The following CCDC158 variants were observed in gnomAD, a reference collection of about 807,000 sequenced individuals.
The protein encoded by CCDC158 is coiled-coil domain containing 158, also known as coiled-coil domain-containing protein 158.
In CCDC158, 116 loss-of-function variants were observed where a neutral mutation model predicts 138.6. That is an observed-to-expected ratio of 0.84 (90% CI 0.72 to 0.98). CCDC158 has a LOEUF of 0.98. Among genes scored for constraint, CCDC158 ranks in the 50% least tolerant of loss-of-function variants. The pLI, the probability that CCDC158 is intolerant of heterozygous loss-of-function variation, is 0.00. For missense variants in CCDC158, 1,265 were observed against 1,306.1 expected (o/e 0.97, Z 0.48); for synonymous variants, 436 against 442.4 (o/e 0.99, Z 0.18).
chr4:76,366,108 A>G (rs1203079321), intron 12 of CCDC158, among the ~76,000 whole-genome samples: 1 of 152,156 alleles, frequency 6.6e-6, no homozygotes, highest in Non-Finnish European at 1.5e-5. Flanking sequence ...TCCACTAGTG[A>G]TCTTCCTAAG....
At chr4:76,358,910 A>G (rs1723843626) in intron 13 of CCDC158, among the ~76,000 whole-genome samples, 1 of 152,196 alleles carries the variant, frequency 6.6e-6, no homozygotes, top group Non-Finnish European at 1.5e-5. Flanking sequence ...ACTTCATACC[A>G]TACTAATATG....
chr4:76,345,495 A>C, intron 18 of CCDC158: 1 of 931,746 alleles, frequency 1.1e-6, no homozygotes, highest in Admixed American at 1.7e-5. Context: ...AGCATTTAGA[A>C]AGATTCTCAT....
In CCDC158 at chr4:76,396,221, C is replaced by T. The variant is rs746709622; in HGVS notation, c.288+48G>A. On this transcript the variant is annotated intron_variant, in intron 4 of 24. Coordinates refer to ENST00000682701, the MANE Select transcript of CCDC158 (RefSeq NM_001394954.1). The stretch of plus-strand genomic sequence containing the variant: ...CTTTACAACTACATACTGGATCTCA[C>T]TGTTGTCCCCCAAATAGCATCAGGT... 6.6e-6 allele frequency: 9 copies of T among 1,361,728 alleles called. No homozygotes were observed. In the African/African-American group the frequency reaches 7.3e-5, roughly 11 times the overall value. The allele number at this position is 1,361,728 out of a possible 1,614,324, so 84.4% of individuals were successfully genotyped here.
chr4:76,323,370 C>A lies in CCDC158; in HGVS notation c.3209G>T (p.Cys1070Phe), dbSNP rs1350467718. The A allele has an allele frequency of 2.4e-5, 38 of 1,612,116 alleles. No individual in the cohort carries two copies. Among genetic ancestry groups the A allele is most frequent in the Non-Finnish European group, 3.0e-5 (35 of 1,179,092 alleles). The change falls in exon 24 of 25, where the codon TGC becomes TTC. Residue 1070 changes from cysteine to phenylalanine, a missense_variant. Physicochemically the swap from Cys to Phe is radical, Grantham distance 205. Coordinates refer to ENST00000682701, the MANE Select transcript of CCDC158 (RefSeq NM_001394954.1). ...SPPIETTGKT[C>F]RKLQNRLESL... ...TTCTAGTCTGTTCTGAAGCTTCCTG[C>A]ATGTTTTTCCTGTTGTTTCTATTGG...
intron 18 of CCDC158, among the ~76,000 whole-genome samples, chr4:76,341,264 C>T (rs1002548434): frequency 3.2e-4 from 49 of 152,134 alleles, no homozygotes; most frequent in Non-Finnish European, 5.4e-4. Context: ...ACTCCTCAAC[C>T]AGTTCTGTCT....
At chr4:76,413,442 T>C (rs28651524) in intron 1 of CCDC158, among the ~76,000 whole-genome samples, 3,814 of 139,272 alleles carry the variant, frequency 0.027, 165 homozygotes, top group African/African-American at 0.098. Flanking sequence ...ACCACTGCAC[T>C]CCAGCTTGGG....
chr4:76,354,581 T>C (rs889058936), intron 15 of CCDC158, among the ~76,000 whole-genome samples: 1 of 152,208 alleles, frequency 6.6e-6, no homozygotes, highest in Non-Finnish European at 1.5e-5. Context: ...AACTTCATGG[T>C]TGCTTATTCG....
Position 76,323,553 on chromosome 4 carries a change from A to G in CCDC158, c.3170-144T>C, listed in dbSNP as rs561179500. On this transcript the variant is annotated intron_variant, in intron 23 of 24. Coordinates refer to ENST00000682701, the MANE Select transcript of CCDC158 (RefSeq NM_001394954.1). ...AAATTCTAAAAGAGCTATAACACTTAAAGGAAACTCTAAAACATGATTTTA... is the reference window on the plus strand; with the variant it reads ...AAATTCTAAAAGAGCTATAACACTTGAAGGAAACTCTAAAACATGATTTTA... 5.2e-6 allele frequency: 3 copies of G among 575,448 alleles called. No individual in the cohort carries two copies. In the Admixed American group the frequency reaches 1.0e-4, roughly 20 times the overall value. 35.6% of individuals were successfully genotyped at this position (575,448 alleles called of 1,614,324 possible).
At position 76,334,040 on chromosome 4, in the gene CCDC158, CT is replaced by C; in HGVS notation, c.2791del (p.Arg931GlufsTer11). ...VSLSKTEEDG[R>X]TSLGALYVAV... ...CACATACAAGGCTCCCAGAGATGTT[CT>C]TCCATCTTCCTCTGTCTTGCTCAGA... On this transcript the variant is annotated frameshift_variant, in exon 19 of 25. Coordinates refer to ENST00000682701, the MANE Select transcript of CCDC158 (RefSeq NM_001394954.1). LOFTEE classifies it high-confidence loss of function. 2 of 1,613,144 alleles carry C rather than the reference CT, an allele frequency of 1.2e-6. No homozygotes were observed. Among genetic ancestry groups the C allele is most frequent in the Non-Finnish European group, 1.7e-6 (2 of 1,179,378 alleles).
intron 12 of CCDC158, among the ~76,000 whole-genome samples, chr4:76,365,509 T>C (rs990574877): frequency 3.0e-4 from 46 of 152,194 alleles, no homozygotes; most frequent in African/African-American, 1.1e-3. Flanking sequence ...TTCTTCATGT[T>C]ACCCCCTCCT....
chr4:76,325,279 T>G (rs1382717387), intron 23 of CCDC158, among the ~76,000 whole-genome samples: 1 of 152,222 alleles, frequency 6.6e-6, no homozygotes, highest in African/African-American at 2.4e-5. Context: ...CAAAAGGGAA[T>G]GATGTCATAG....
chr4:76,390,039 T>G (rs936240150), intron 4 of CCDC158, among the ~76,000 whole-genome samples: 1 of 152,128 alleles, frequency 6.6e-6, no homozygotes, highest in African/African-American at 2.4e-5. Flanking sequence ...CAAAACTCAT[T>G]GGTAATAGTA....
At chr4:76,420,371 T>C (rs1310009052) in intron 1 of CCDC158, among the ~76,000 whole-genome samples, 3 of 152,122 alleles carry the variant, frequency 2.0e-5, no homozygotes, top group East Asian at 1.9e-4. Flanking sequence ...TCCCCTGACG[T>C]TGGAGTTCAG....
intron 7 of CCDC158, 72 bp from the exon 8 acceptor site, chr4:76,382,792 A>T: frequency 1.0e-6 from 1 of 965,474 alleles, no homozygotes. Flanking sequence ...TTAAAAATTA[A>T]TGATTTTCAA....
chr4:76,400,196 CAT>C (rs1316498490), intron 3 of CCDC158, among the ~76,000 whole-genome samples: 1 of 151,928 alleles, frequency 6.6e-6, no homozygotes, highest in African/African-American at 2.4e-5. Flanking sequence ...AAATGTGGCA[CAT>C]ATACACCATG....
chr4:76,415,508 G>A (rs1197705153), intron 1 of CCDC158, among the ~76,000 whole-genome samples: 1 of 152,050 alleles, frequency 6.6e-6, no homozygotes, highest in Non-Finnish European at 1.5e-5. Context: ...GGCATGAGCT[G>A]TTCCAGTATA....
intron 4 of CCDC158, among the ~76,000 whole-genome samples, chr4:76,395,983 C>T (rs1178288515): frequency 1.3e-5 from 2 of 152,074 alleles, no homozygotes; most frequent in African/African-American, 2.4e-5. Flanking sequence ...CAGACAAATG[C>T]TACTTATTAT....
intron 2 of CCDC158, among the ~76,000 whole-genome samples, chr4:76,405,601 G>A (rs2109878460): frequency 6.6e-6 from 1 of 152,254 alleles, no homozygotes; most frequent in Middle Eastern, 3.4e-3. Context: ...AAACAAAGGT[G>A]AGGTAATGGC....
At chr4:76,382,530 A>G (rs2110302069) in intron 8 of CCDC158, 80 bp downstream of exon 8, 1 of 891,468 alleles carries the variant, frequency 1.1e-6, no homozygotes, top group Non-Finnish European at 1.8e-6. Context: ...AGCAAGTTCT[A>G]AAAGATTATA....
Sources: gnomAD v4.1 joint callset for allele counts (sites outside exome capture counted in the v4.1 genomes callset) on GRCh38, gnomAD v4.1.1 for gene constraint, MANE v1.5 for transcripts, NCBI Gene and HGNC (gene_info 2026-07-23, HGNC 2026-07-21) for gene names.